Variants in KIF5C observed in about 807,000 individuals in gnomAD.
The protein encoded by KIF5C is kinesin heavy chain isoform 5C.
A neutral mutation model predicts 125.2 loss-of-function variants in KIF5C; 18 were observed. The ratio of observed to expected loss-of-function variants is 0.14; its 90% CI spans 0.10 to 0.21. The LOEUF (loss-of-function observed/expected upper bound fraction) is 0.21, where lower values mean the gene tolerates loss of function less well. Ranked by LOEUF, KIF5C falls within the 10% of genes least tolerant of loss-of-function variation. KIF5C has a pLI of 1.00. For synonymous variants in KIF5C, 405 were observed against 434.0 expected (o/e 0.93, Z 0.83); for missense variants, 780 against 1,183.8 (o/e 0.66, Z 5.01).
intron 10 of KIF5C, among the ~76,000 whole-genome samples, chr2:148,960,153 G>C (rs1682891921): frequency 1.3e-5 from 2 of 152,204 alleles, no homozygotes; most frequent in South Asian, 4.1e-4. Context: ...TTGAGAATGA[G>C]GACCAGTTAC....
At chr2:149,022,096 A>G (rs939062744) in intron 25 of KIF5C, among the ~76,000 whole-genome samples, 1 of 152,130 alleles carries the variant, frequency 6.6e-6, no homozygotes, top group Admixed American at 6.5e-5. Flanking sequence ...GGAGAATCTT[A>G]TTATCCGATG....
chr2:149,010,055 AGGGGCT>A, intron 23 of KIF5C, 74 bp from the exon 24 acceptor site: 2 of 1,466,352 alleles, frequency 1.4e-6, no homozygotes, highest in South Asian at 2.9e-5. Flanking sequence ...GTTCAGCAGC[AGGGGCT>A]GCTTCTGGCT....
intron 10 of KIF5C, among the ~76,000 whole-genome samples, chr2:148,953,484 A>G (rs990830549): frequency 3.3e-5 from 5 of 152,218 alleles, no homozygotes; most frequent in African/African-American, 1.2e-4. Flanking sequence ...ATTGAACCCA[A>G]TTATACAGCA....
chr2:148,964,380 G>T (rs190467343), intron 11 of KIF5C, among the ~76,000 whole-genome samples: 1 of 152,156 alleles, frequency 6.6e-6, no homozygotes, highest in Non-Finnish European at 1.5e-5. Context: ...AATGTATGAT[G>T]ATATACTCTG....
Position 148,947,147 on chromosome 2 carries a change from C to T in KIF5C, c.714+124C>T. 3.6e-6 allele frequency: 5 copies of T among 1,383,980 alleles called. No individual in the cohort carries two copies. In the East Asian group the frequency reaches 7.5e-5, roughly 21 times the overall value. The allele number at this position is 1,383,980 out of a possible 1,614,324, so 85.7% of individuals were successfully genotyped here. On this transcript the variant is annotated intron_variant, in intron 8 of 25. Coordinates refer to ENST00000435030, the MANE Select transcript of KIF5C (RefSeq NM_004522.3). ...AAGAGCTTTTAAAGTTTCTGAGGCTCTGCCAAGGTGTTATTACATTTAACC... is the reference window on the plus strand; with the variant it reads ...AAGAGCTTTTAAAGTTTCTGAGGCTTTGCCAAGGTGTTATTACATTTAACC...
chr2:149,008,991 GTT>G (rs200099380), intron 23 of KIF5C, among the ~76,000 whole-genome samples: 2,532 of 134,314 alleles, frequency 0.019, 79 homozygotes, highest in African/African-American at 0.067. Context: ...TTTTTTTAAT[GTT>G]TTTTTTTTTT....
chr2:148,970,004 C>G (rs747138048), intron 11 of KIF5C, among the ~76,000 whole-genome samples: 5 of 152,114 alleles, frequency 3.3e-5, no homozygotes. Flanking sequence ...TTGTTCTTCT[C>G]CGTTGAAATG....
At chr2:148,935,023 A>G in intron 3 of KIF5C, 1 of 383,560 alleles carries the variant, frequency 2.6e-6, no homozygotes, top group South Asian at 1.9e-5. Context: ...TCTGAGCTGG[A>G]TCAAGCAGCC....
chr2:148,893,761 T>A (rs940095309), intron 1 of KIF5C, among the ~76,000 whole-genome samples: 1 of 152,276 alleles, frequency 6.6e-6, no homozygotes, highest in Non-Finnish European at 1.5e-5. Context: ...AATGAATGAA[T>A]GAATATTTCT....
chr2:148,929,341 C>G lies in KIF5C; in HGVS notation c.278C>G (p.Thr93Ser). The G allele has an allele frequency of 2.0e-6, 3 of 1,533,128 alleles. No homozygotes were observed. The highest frequency in any genetic ancestry group is 2.6e-6 in the Non-Finnish European group (3 of 1,143,200). 95.0% of individuals were successfully genotyped at this position (1,533,128 alleles called of 1,614,324 possible). A position where few individuals can be genotyped will look rare whatever the true frequency, so the allele number is the denominator to read the frequency against. Reference protein sequence around the residue: ...FAYGQTSSGKTHTMEGKLHDP... With the variant: ...FAYGQTSSGKSHTMEGKLHDP... ...TATGGGCAGACTTCATCAGGAAAAA[C>G]CCACACCATGGAGGTAAGATTACAA... Residue 93 changes from threonine (T) to serine (S), a missense_variant, in exon 3 of 26, where the codon ACC becomes AGC. Thr to Ser is a moderately conservative substitution (Grantham distance 58). Coordinates refer to ENST00000435030, the MANE Select transcript of KIF5C (RefSeq NM_004522.3).
Position 148,875,575 on chromosome 2 carries a change from G to GCCCCCCCCCCCTCCCCC in KIF5C, c.-37_-36insCCCCCTCCCCCCCCCCC. On this transcript the variant is annotated 5_prime_UTR_variant, in exon 1 of 26. Transcript: ENST00000435030. ...TCCTCCCTCGTCGTTCCCGGCCCCG[G>GCCCCCCCCCCCTCCCCC]CCCCCCACCCATCCCCGTGCCCCCT... 3 of 699,594 alleles carry GCCCCCCCCCCCTCCCCC rather than the reference G, an allele frequency of 4.3e-6. No homozygotes were observed. Among genetic ancestry groups the GCCCCCCCCCCCTCCCCC allele is most frequent in the Non-Finnish European group, 7.7e-6 (3 of 389,224 alleles). 43.3% of individuals were successfully genotyped at this position (699,594 alleles called of 1,614,324 possible). A position where few individuals can be genotyped will look rare whatever the true frequency, so the allele number is the denominator to read the frequency against.
At chr2:148,976,098 A>C (rs1200806370) in intron 12 of KIF5C, among the ~76,000 whole-genome samples, 1 of 152,150 alleles carries the variant, frequency 6.6e-6, no homozygotes, top group Admixed American at 6.5e-5. Context: ...CCTGACACGA[A>C]CCAAGCTTAA....
intron 1 of KIF5C, 47 bp from the exon 2 acceptor site, chr2:148,922,090 T>G (rs750500753): frequency 9.9e-6 from 13 of 1,311,102 alleles, no homozygotes; most frequent in East Asian, 2.3e-5. Context: ...CCTAAACATC[T>G]AATGTGTTTT....
chr2:148,995,894 C>T (rs953550820), intron 17 of KIF5C, among the ~76,000 whole-genome samples: 1 of 152,178 alleles, frequency 6.6e-6, no homozygotes, highest in Non-Finnish European at 1.5e-5. Flanking sequence ...CGGTGGCTCA[C>T]GCCTGTAATC....
At chr2:148,879,010 T>G (rs929035100) in intron 1 of KIF5C, 1 of 152,222 alleles carries the variant, frequency 6.6e-6, no homozygotes. Context: ...GATTTCTCTT[T>G]TATGAAAATG....
chr2:148,885,836 G>T (rs192826905), intron 1 of KIF5C: 1 of 152,310 alleles, frequency 6.6e-6, no homozygotes, highest in African/African-American at 2.4e-5. Flanking sequence ...TAGTATTTTA[G>T]AAGCATTTTA....
Position 148,973,420 on chromosome 2 carries a change from A to T in KIF5C, c.1202A>T (p.Asn401Ile), listed in dbSNP as rs1381521419. 1 of 1,613,772 alleles carries T rather than the reference A, an allele frequency of 6.2e-7. No homozygotes were observed. ...EPCDNTPIIDNIAPVVAGIST... is the reference protein window; with the variant it reads ...EPCDNTPIIDIIAPVVAGIST... ...TGTGATAACACCCCCATCATAGACA[A>T]TATTGCTCCTGTTGTTGCTGGCATC... Residue 401 changes from asparagine to isoleucine, a missense_variant, in exon 12 of 26, where the codon AAT (asparagine) becomes ATT (isoleucine). Transcript: ENST00000435030.
intron 1 of KIF5C, among the ~76,000 whole-genome samples, chr2:148,913,903 A>C (rs1681442614): frequency 1.3e-5 from 2 of 152,042 alleles, no homozygotes. Context: ...TTGGCAGAAA[A>C]CTTGATCTGC....
intron 4 of KIF5C, among the ~76,000 whole-genome samples, chr2:148,941,336 A>G (rs1276137091): frequency 6.6e-6 from 1 of 152,182 alleles, no homozygotes; most frequent in East Asian, 1.9e-4. Flanking sequence ...GTCCTCCTGT[A>G]AGTGTCTAGC....
Sources: allele counts gnomAD v4.1 joint callset (sites outside exome capture counted in the v4.1 genomes callset), GRCh38; gene constraint gnomAD v4.1.1; transcripts MANE v1.5; gene names NCBI Gene and HGNC (gene_info 2026-07-23, HGNC 2026-07-21).